LIPI: variants seen among roughly 807,000 people sequenced by gnomAD.
The protein encoded by LIPI is lipase member I.
In LIPI, 59 loss-of-function variants were observed where a neutral mutation model predicts 50.6. That is an observed-to-expected ratio of 1.16 (90% CI 0.94 to 1.45). The LOEUF is 1.45. Ranked by LOEUF, LIPI falls within the 40% of genes most tolerant of loss-of-function variation. The probability of loss-of-function intolerance (pLI) is 0.00; values close to 1 mark genes in which losing one functional copy is unlikely to be tolerated. For missense variants in LIPI, 586 were observed against 536.3 expected, an observed-to-expected ratio of 1.09 and a Z score of -0.92; for synonymous variants, 203 against 178.2, an observed-to-expected ratio of 1.14 and a Z score of -1.11.
At chr21:14,186,399 G>A (rs2019457895) in intron 2 of LIPI, among the ~76,000 whole-genome samples, 1 of 152,058 alleles carries the variant, frequency 6.6e-6, no homozygotes, top group African/African-American at 2.4e-5. Flanking sequence ...TAGCTACCTC[G>A]ATATGGGCCT....
intron 1 of LIPI, among the ~76,000 whole-genome samples, chr21:14,204,444 A>G (rs2020168515): frequency 1.3e-5 from 2 of 152,070 alleles, no homozygotes; most frequent in Admixed American, 1.3e-4. Flanking sequence ...CATTAATATC[A>G]TGAAGTAAAT....
At chr21:14,150,606 C>T (rs1401315206) in intron 8 of LIPI, among the ~76,000 whole-genome samples, 1 of 151,764 alleles carries the variant, frequency 6.6e-6, no homozygotes, top group Non-Finnish European at 1.5e-5. Flanking sequence ...ATTTAATAGC[C>T]AAAAATCCTG....
At chr21:14,201,663 T>G (rs2123334578) in intron 1 of LIPI, among the ~76,000 whole-genome samples, 1 of 152,124 alleles carries the variant, frequency 6.6e-6, no homozygotes, top group Non-Finnish European at 1.5e-5. Context: ...TCTCAATAAA[T>G]TAGGTATTGA....
chr21:14,195,793 G>A (rs558341494), intron 1 of LIPI, among the ~76,000 whole-genome samples: 1 of 151,994 alleles, frequency 6.6e-6, no homozygotes, highest in African/African-American at 2.4e-5. Context: ...ATCGGCAAAA[G>A]AATTAAAGAC....
At chr21:14,206,844 A>G in intron 1 of LIPI, 1 of 1,611,386 alleles carries the variant, frequency 6.2e-7, no homozygotes, top group Non-Finnish European at 8.5e-7. Context: ...TAGAAGCCAC[A>G]GGACATTTCT....
chr21:14,172,682 C>A (rs1359159103), intron 4 of LIPI, among the ~76,000 whole-genome samples: 2 of 143,584 alleles, frequency 1.4e-5, no homozygotes, highest in Admixed American at 7.3e-5. Context: ...CACATGGACA[C>A]AAGAAGGGGA....
At chr21:14,148,211 T>A (rs1051543657) in intron 8 of LIPI, among the ~76,000 whole-genome samples, 6 of 152,138 alleles carry the variant, frequency 3.9e-5, no homozygotes, top group African/African-American at 1.4e-4. Flanking sequence ...AGGGGAAGAA[T>A]GATTATAAAC....
chr21:14,209,115 T>C lies in LIPI; in HGVS notation c.46+1685A>G, dbSNP rs58147242. Among the ~76,000 whole-genome samples, 1,073 of 152,274 alleles carry C rather than the reference T, an allele frequency of 7.0e-3. 18 individuals carry two copies. Among genetic ancestry groups the C allele is most frequent in the African/African-American group, 0.024 (1,010 of 41,574 alleles). ...GCAACAACAAAAATTTCAGTGTAAATGGTTACAATAAGTTGGTAACTGTAC... is the reference window on the plus strand; with the variant it reads ...GCAACAACAAAAATTTCAGTGTAAACGGTTACAATAAGTTGGTAACTGTAC... On this transcript the variant is annotated intron_variant, in intron 1 of 9. Transcript: ENST00000681601.
chr21:14,157,439 T>A (rs963224673), intron 7 of LIPI, among the ~76,000 whole-genome samples: 4 of 151,912 alleles, frequency 2.6e-5, no homozygotes, highest in Non-Finnish European at 5.9e-5. Flanking sequence ...GAGGCAGGAT[T>A]GTCTAGAAAA....
At chr21:14,169,936 G>A (rs1046669660) in intron 4 of LIPI, among the ~76,000 whole-genome samples, 6 of 151,968 alleles carry the variant, frequency 3.9e-5, no homozygotes, top group Admixed American at 3.9e-4. Flanking sequence ...CTGGTTTTTT[G>A]AAAGGATCAA....
chr21:14,157,724 G>A (rs1001349783), intron 7 of LIPI, among the ~76,000 whole-genome samples: 7 of 151,876 alleles, frequency 4.6e-5, no homozygotes, highest in African/African-American at 1.4e-4. Context: ...ACCAACATGC[G>A]AAGCCATGAA....
rs1278144342 is a variant in LIPI, at chr21:14,131,093, G to A, written c.1295+13530C>T. 1.1e-4 allele frequency among the ~76,000 whole-genome samples: 16 copies of A among 152,256 alleles called. No homozygotes were observed. The East Asian group carries it at 3.1e-3, about 29-fold the overall frequency. ...AGCCTCCTGAGTGGCTGGGACTACA[G>A]GCGCCTGCCACCACACCCGGCTAAT... On this transcript the variant is annotated intron_variant, in intron 9 of 9. Transcript: ENST00000681601.
chr21:14,179,579 T>C (rs2019201658), intron 4 of LIPI, among the ~76,000 whole-genome samples: 1 of 152,152 alleles, frequency 6.6e-6, no homozygotes, highest in Non-Finnish European at 1.5e-5. Context: ...TTGAAGTTAG[T>C]GTTGCAGGAA....
chr21:14,141,167 A>T lies in LIPI; in HGVS notation c.1295+3456T>A, dbSNP rs546772584. Among the ~76,000 whole-genome samples the T allele has an allele frequency of 5.3e-5, 8 of 151,424 alleles. No individual in the cohort carries two copies. The East Asian group carries it at 1.2e-3, about 22-fold the overall frequency. The stretch of plus-strand genomic sequence containing the variant: ...TCTTCTTTTCCTCAGTTGAAGGGGA[A>T]TTTTTTTTTATTACATCCGTAGTTA... On this transcript the variant is annotated intron_variant, in intron 9 of 9. Coordinates refer to ENST00000681601, the MANE Select transcript of LIPI (RefSeq NM_001302998.2).
At chr21:14,136,392 G>T (rs986539323) in intron 9 of LIPI, among the ~76,000 whole-genome samples, 2 of 152,146 alleles carry the variant, frequency 1.3e-5, no homozygotes, top group African/African-American at 4.8e-5. Context: ...TGTCTTAAGA[G>T]AAATTGGGAC....
chr21:14,170,907 A>G (rs1430807862), intron 4 of LIPI, among the ~76,000 whole-genome samples: 2 of 151,976 alleles, frequency 1.3e-5, no homozygotes, highest in East Asian at 3.9e-4. Context: ...TTCAATTAGG[A>G]AAAGAGAAAG....
rs1245638282 is a variant in LIPI, at chr21:14,152,574, C to T, written c.1117G>A (p.Glu373Lys). 6.8e-7 allele frequency: 1 copy of T among 1,464,420 alleles called. No homozygotes were observed. The highest frequency in any genetic ancestry group is 1.2e-5 in the South Asian group (1 of 86,322). 90.7% of individuals were successfully genotyped at this position (1,464,420 alleles called of 1,614,324 possible). ...LGMIEEPRLYEKNKPFYKLQE... is the reference protein window; with the variant it reads ...LGMIEEPRLYKKNKPFYKLQE... ...AAGAAAATAGTAAATTTTACTTACT[C>T]ATAAAGCCTTGGCTCTTCAATCATT... Residue 373 changes from glutamate to lysine, a missense_variant and splice_region_variant, in exon 8 of 10, where the codon GAA becomes AAA. By Grantham distance (56) the Glu-to-Lys change is moderately conservative. Coordinates refer to ENST00000681601, the MANE Select transcript of LIPI (RefSeq NM_001302998.2).
intron 4 of LIPI, among the ~76,000 whole-genome samples, chr21:14,171,580 A>G (rs1568865839): frequency 6.6e-6 from 1 of 150,796 alleles, no homozygotes; most frequent in Non-Finnish European, 1.5e-5. Context: ...CAACTATCTG[A>G]TCTTTGACAA....
rs928021878 is a variant in LIPI, at chr21:14,189,332, A to G, written c.134T>C (p.Leu45Pro). The G allele has an allele frequency of 6.2e-7, 1 of 1,613,220 alleles. No individual in the cohort carries two copies. The highest frequency in any genetic ancestry group is 8.5e-7 in the Non-Finnish European group (1 of 1,179,184). The change falls in exon 2 of 10, where the codon CTG becomes CCG. Residue 45 changes from leucine to proline, a missense_variant. Transcript: ENST00000681601. Reference sequence around the variant, plus strand: ...TAGGTTGTTCCTTGTATACATCATCAGAATGGTCTCTATTCTCGGAATAAA... The same window carrying G: ...TAGGTTGTTCCTTGTATACATCATCGGAATGGTCTCTATTCTCGGAATAAA... Reference protein sequence around the residue: ...DLFIPRIETILMMYTRNNLNC... With the variant: ...DLFIPRIETIPMMYTRNNLNC...
Sources: allele counts gnomAD v4.1 joint callset (sites outside exome capture counted in the v4.1 genomes callset), GRCh38; gene constraint gnomAD v4.1.1; transcripts MANE v1.5; gene names NCBI Gene and HGNC (gene_info 2026-07-23, HGNC 2026-07-21).